The following TENT4B variants were observed in gnomAD, a reference collection of about 807,000 sequenced individuals.
TENT4B encodes terminal nucleotidyltransferase 4B.
In TENT4B, 10 loss-of-function variants were observed where a neutral mutation model predicts 75.0. The ratio of observed to expected loss-of-function variants is 0.13; its 90% CI spans 0.08 to 0.23. The LOEUF (loss-of-function observed/expected upper bound fraction) is 0.23. Among genes scored for constraint, TENT4B ranks in the 10% least tolerant of loss-of-function variants. The pLI is 1.00. For missense variants in TENT4B, 579 were observed against 893.8 expected (o/e 0.65, Z 4.49); for synonymous variants, 350 against 357.7 (o/e 0.98, Z 0.24).
chr16:50,177,920 A>G (rs767926844), intron 1 of TENT4B, among the ~76,000 whole-genome samples: 19 of 151,788 alleles, frequency 1.3e-4, no homozygotes, highest in Non-Finnish European at 2.6e-4. Flanking sequence ...TTGATGTCAT[A>G]TTTTCATTTT....
chr16:50,215,933 A>G, intron 3 of TENT4B, 142 bp from the exon 4 acceptor site: 1 of 965,280 alleles, frequency 1.0e-6, no homozygotes, highest in Admixed American at 2.4e-5. Context: ...CCACAAAACC[A>G]TTATCACCAA....
chr16:50,233,124 T>C lies in TENT4B; in HGVS notation c.*3796T>C. The C allele has an allele frequency of 1.0e-6, 1 of 982,742 alleles. No homozygotes were observed. Among genetic ancestry groups the C allele is most frequent in the Non-Finnish European group, 1.2e-6 (1 of 827,498 alleles). 60.9% of individuals were successfully genotyped at this position (982,742 alleles called of 1,614,324 possible). ...TAACAAACCTAATTGAATATAAAAG[T>C]TATATTTAGTAGTTACTGTTGATAG... On this transcript the variant is annotated 3_prime_UTR_variant, in exon 12 of 12. Coordinates refer to ENST00000561678, the MANE Select transcript of TENT4B (RefSeq NM_001365324.3).
At position 50,229,516 on chromosome 16, in the gene TENT4B, CAAA is replaced by C. The variant is rs57483253; in HGVS notation, c.*196_*198del. 2 of 1,114,032 alleles carry C rather than the reference CAAA, an allele frequency of 1.8e-6. No individual in the cohort carries two copies. Among genetic ancestry groups the C allele is most frequent in the African/African-American group, 1.8e-5 (1 of 55,412 alleles). 69.0% of individuals were successfully genotyped at this position (1,114,032 alleles called of 1,614,324 possible). A position where few individuals can be genotyped will look rare whatever the true frequency, so the allele number is the denominator to read the frequency against. ...CAACTGCAAAAAAAACAAAACAAAA[CAAA>C]AAAAAAAGCAAGCAAAAAAGAGGGA... On this transcript the variant is annotated 3_prime_UTR_variant, in exon 12 of 12. Coordinates refer to ENST00000561678, the MANE Select transcript of TENT4B (RefSeq NM_001365324.3).
intron 1 of TENT4B, among the ~76,000 whole-genome samples, chr16:50,160,476 A>G (rs943226414): frequency 6.6e-6 from 1 of 152,238 alleles, no homozygotes; most frequent in African/African-American, 2.4e-5. Flanking sequence ...ATTCTAAGTC[A>G]GGAACGGGGG....
intron 5 of TENT4B, among the ~76,000 whole-genome samples, chr16:50,217,941 T>C (rs1441907632): frequency 7.8e-6 from 1 of 128,704 alleles, no homozygotes; most frequent in Non-Finnish European, 1.6e-5. Context: ...ATTTTTTGTA[T>C]TTTTTTTTTT....
At position 50,234,790 on chromosome 16, in the gene TENT4B, T is replaced by G. The variant is rs2032397469; in HGVS notation, c.*5462T>G. ...AAAGTGAGGGACGACCAGTGTAGTT[T>G]CTGGATATAAAGTGTGAAGGACTGT... is the stretch of plus-strand genomic sequence containing the variant. On this transcript the variant is annotated 3_prime_UTR_variant, in exon 12 of 12. Coordinates refer to ENST00000561678, the MANE Select transcript of TENT4B (RefSeq NM_001365324.3). 1 of 985,396 alleles carries G rather than the reference T, an allele frequency of 1.0e-6. No individual in the cohort carries two copies. The highest frequency in any genetic ancestry group is 6.1e-5 in the Admixed American group (1 of 16,272). The allele number at this position is 985,396 out of a possible 1,614,324, so 61.0% of individuals were successfully genotyped here. A position where few individuals can be genotyped will look rare whatever the true frequency, so the allele number is the denominator to read the frequency against.
chr16:50,186,630 T>G (rs945251715), intron 1 of TENT4B, among the ~76,000 whole-genome samples: 1 of 152,206 alleles, frequency 6.6e-6, no homozygotes, highest in Non-Finnish European at 1.5e-5. Context: ...CATATGATAA[T>G]TCTATGTTTA....
intron 11 of TENT4B, among the ~76,000 whole-genome samples, chr16:50,228,750 A>G (rs997198643): frequency 6.6e-6 from 1 of 152,232 alleles, no homozygotes; most frequent in African/African-American, 2.4e-5. Context: ...GTCACGAGAA[A>G]GCCACAGGCC....
In TENT4B at chr16:50,154,201, G is replaced by A. The variant is rs2037843007; in HGVS notation, c.580G>A (p.Gly194Arg). 6.6e-7 allele frequency: 1 copy of A among 1,506,154 alleles called. No homozygotes were observed. Among genetic ancestry groups the A allele is most frequent in the Non-Finnish European group, 8.8e-7 (1 of 1,134,886 alleles). The allele number at this position is 1,506,154 out of a possible 1,614,324, so 93.3% of individuals were successfully genotyped here. ...GGGGGGCGGCCGAGCAGACGGCGGC[G>A]GGGTCGTGTACAGCGGGACCCCGTG... ...AAGGGRADGG[G>R]VVYSGTPWKR... Residue 194 changes from glycine to arginine, a missense_variant, in exon 1 of 12, where the codon GGG (glycine) becomes AGG (arginine). Gly to Arg is a moderately radical substitution (Grantham distance 125). Transcript: ENST00000561678.
At chr16:50,210,223 T>C (rs2031206294) in intron 1 of TENT4B, among the ~76,000 whole-genome samples, 1 of 152,206 alleles carries the variant, frequency 6.6e-6, no homozygotes, top group African/African-American at 2.4e-5. Flanking sequence ...TTCCCAGCCA[T>C]AGCTCTTCAC....
chr16:50,184,682 A>AG (rs199690603), intron 1 of TENT4B, among the ~76,000 whole-genome samples: 2,307 of 151,920 alleles, frequency 0.015, 51 homozygotes, highest in African/African-American at 0.053. Flanking sequence ...GAAAAAAAAA[A>AG]GAGAATAATG....
intron 1 of TENT4B, among the ~76,000 whole-genome samples, chr16:50,176,414 G>GA (rs575420991): frequency 1.2e-4 from 17 of 136,648 alleles, no homozygotes; most frequent in Non-Finnish European, 2.0e-4. Context: ...AAGTTTTATT[G>GA]AAAAAAAAAT....
rs568458453 is a variant in TENT4B at position 50,165,307 on chromosome 16, A to G, written c.638+11048A>G. ...CCAGTCTTTTGTTTTTTTACCAGAC[A>G]TGGATTAAGCTGAGCCTTTGCCCCA... On this transcript the variant is annotated intron_variant, in intron 1 of 11. Transcript: ENST00000561678. Among the ~76,000 whole-genome samples the G allele has an allele frequency of 3.3e-5, 5 of 151,944 alleles. No homozygotes were observed. In the South Asian group the frequency reaches 8.3e-4, roughly 25 times the overall value.
chr16:50,234,565 T>A lies in TENT4B; in HGVS notation c.*5237T>A. ...TGCAATTTATTATAATATGTTGTTT[T>A]GTCCCTGAACTTAATCTCCTAATTT... On this transcript the variant is annotated 3_prime_UTR_variant, in exon 12 of 12. Coordinates refer to ENST00000561678, the MANE Select transcript of TENT4B (RefSeq NM_001365324.3). 1.0e-6 allele frequency: 1 copy of A among 982,434 alleles called. No individual in the cohort carries two copies. Among genetic ancestry groups the A allele is most frequent in the Non-Finnish European group, 1.2e-6 (1 of 827,152 alleles). 60.9% of individuals were successfully genotyped at this position (982,434 alleles called of 1,614,324 possible).
At chr16:50,179,893 T>C (rs1038553805) in intron 1 of TENT4B, among the ~76,000 whole-genome samples, 8 of 152,182 alleles carry the variant, frequency 5.3e-5, no homozygotes, top group Non-Finnish European at 8.8e-5. Flanking sequence ...CTTCACCTTG[T>C]CTTCTGCCAT....
At chr16:50,178,242 G>A (rs918242539) in intron 1 of TENT4B, among the ~76,000 whole-genome samples, 2 of 150,702 alleles carry the variant, frequency 1.3e-5, no homozygotes, top group East Asian at 1.9e-4. Flanking sequence ...GATCACTTGA[G>A]GTCAGGAGTT....
intron 1 of TENT4B, among the ~76,000 whole-genome samples, chr16:50,161,805 T>C (rs192501801): frequency 1.1e-4 from 17 of 152,322 alleles, no homozygotes; most frequent in African/African-American, 4.1e-4. Context: ...TCCATAAGCC[T>C]TTTTTAGATT....
intron 1 of TENT4B, among the ~76,000 whole-genome samples, chr16:50,155,829 C>A (rs963658610): frequency 9.2e-5 from 14 of 152,296 alleles, no homozygotes; most frequent in Admixed American, 9.2e-4. Context: ...AGTTTCATTT[C>A]ACAGGAGTAA....
At chr16:50,215,321 A>C (rs1043599442) in intron 3 of TENT4B, among the ~76,000 whole-genome samples, 1 of 152,184 alleles carries the variant, frequency 6.6e-6, no homozygotes, top group African/African-American at 2.4e-5. Flanking sequence ...AGTGTGCTGA[A>C]GTGGATGGAC....
Sources: gnomAD v4.1 joint callset for allele counts (sites outside exome capture counted in the v4.1 genomes callset) on GRCh38, gnomAD v4.1.1 for gene constraint, MANE v1.5 for transcripts, NCBI Gene and HGNC (gene_info 2026-07-23, HGNC 2026-07-21) for gene names.